The following SNX33 variants were observed in gnomAD, a reference collection of about 807,000 sequenced individuals.
SNX33 encodes sorting nexin 33, also known as sorting nexin-33.
SNX33 carries 19 observed loss-of-function variants against 38.8 expected under a neutral mutation model. That is an observed-to-expected ratio of 0.49 (90% CI 0.34 to 0.72). SNX33 has a LOEUF of 0.72. SNX33 is among the 30% of genes least tolerant of loss of function. The probability of loss-of-function intolerance (pLI) is 0.01; values close to 1 mark genes in which losing one functional copy is unlikely to be tolerated. For synonymous variants in SNX33, 246 were observed against 289.7 expected, an observed-to-expected ratio of 0.85 and a Z score of 1.53; for missense variants, 641 against 776.4, an observed-to-expected ratio of 0.83 and a Z score of 2.07.
At position 75,660,416 on chromosome 15, in the gene SNX33, A is replaced by C. The variant is rs1251149871; in HGVS notation, c.*3201A>C. The C allele has an allele frequency of 6.6e-6, 1 of 152,354 alleles. No homozygotes were observed. The highest frequency in any genetic ancestry group is 1.5e-5 in the Non-Finnish European group (1 of 68,068). 9.4% of individuals were successfully genotyped at this position (152,354 alleles called of 1,614,324 possible). ...GCCCCTGCTCTGCACCACCCCTCCCAGATGACAGAGCCATATGTCTTCCAC... is the reference window on the plus strand; with the variant it reads ...GCCCCTGCTCTGCACCACCCCTCCCCGATGACAGAGCCATATGTCTTCCAC... On this transcript the variant is annotated 3_prime_UTR_variant, in exon 2 of 2. Transcript: ENST00000308527.
In SNX33 at chr15:75,658,523, T is replaced by TG. The variant is rs1893683439; in HGVS notation, c.*1309dup. 6.6e-6 allele frequency: 1 copy of TG among 152,622 alleles called. No homozygotes were observed. The highest frequency in any genetic ancestry group is 2.4e-5 in the African/African-American group (1 of 41,432). The allele number at this position is 152,622 out of a possible 1,614,324, so 9.5% of individuals were successfully genotyped here. On this transcript the variant is annotated 3_prime_UTR_variant, in exon 2 of 2. Transcript: ENST00000308527. The surrounding 1 kb of genome is among the most constrained non-coding windows in gnomAD (Gnocchi z 4.1). ...TGTGGTCCAGCAGCTTGCTGTGGGG[T>TG]GCTGACATGTGTCACCACTGCCCCC...
intron 1 of SNX33, among the ~76,000 whole-genome samples, chr15:75,654,874 C>T (rs775016760): frequency 6.6e-6 from 1 of 152,238 alleles, no homozygotes; most frequent in African/African-American, 2.4e-5. Flanking sequence ...TTGGGCTCCT[C>T]ATCAGCAAAA....
In SNX33 at chr15:75,650,688, A is replaced by G. The variant is rs981980080; in HGVS notation, c.1471+115A>G. 22 of 1,350,114 alleles carry G rather than the reference A, an allele frequency of 1.6e-5. No individual in the cohort carries two copies. Among genetic ancestry groups the G allele is most frequent in the African/African-American group, 8.8e-5 (6 of 67,936 alleles). The allele number at this position is 1,350,114 out of a possible 1,614,324, so 83.6% of individuals were successfully genotyped here. The stretch of plus-strand genomic sequence containing the variant: ...AACTTGTCTTTATTTCTCTGTCTCA[A>G]TCATTCATTTAACAAATGTGTTGGG... On this transcript the variant is annotated intron_variant, in intron 1 of 1. Coordinates refer to ENST00000308527, the MANE Select transcript of SNX33 (RefSeq NM_153271.2). The surrounding 1 kb of genome is among the most constrained non-coding windows in gnomAD (Gnocchi z 6.1).
intron 1 of SNX33, among the ~76,000 whole-genome samples, chr15:75,651,665 C>A (rs927218119): frequency 5.3e-5 from 8 of 152,258 alleles, no homozygotes; most frequent in African/African-American, 1.9e-4. Context: ...CCAGCAGGTG[C>A]CTGAGTCCTG....
intron 1 of SNX33, among the ~76,000 whole-genome samples, chr15:75,656,643 C>T (rs1053930291): frequency 2.0e-5 from 3 of 152,094 alleles, no homozygotes; most frequent in Non-Finnish European, 4.4e-5. Context: ...TTCTGGGTAC[C>T]AGAGACACAG....
Position 75,649,713 on chromosome 15 carries a change from T to G in SNX33, c.611T>G (p.Met204Arg). The G allele has an allele frequency of 6.5e-7, 1 of 1,548,240 alleles. No homozygotes were observed. The highest frequency in any genetic ancestry group is 8.7e-7 in the Non-Finnish European group (1 of 1,143,920). Residue 204 changes from methionine to arginine, a missense_variant, in exon 1 of 2, where the codon ATG (methionine) becomes AGG (arginine). Physicochemically the swap from Met to Arg is moderately conservative, Grantham distance 91. This residue lies in a region of SNX33 where 398 missense variants were observed against 542.5 expected (regional missense o/e 0.73). Coordinates refer to ENST00000308527, the MANE Select transcript of SNX33 (RefSeq NM_153271.2). The surrounding 1 kb of genome is among the most constrained non-coding windows in gnomAD (Gnocchi z 6.6). ...VEAFILGDVP[M>R]MAKIAETYSI... Reference sequence around the variant, plus strand: ...GCCTTCATCCTGGGTGATGTGCCCATGATGGCCAAGATCGCTGAGACATAC... The same window carrying G: ...GCCTTCATCCTGGGTGATGTGCCCAGGATGGCCAAGATCGCTGAGACATAC...
At chr15:75,654,640 C>A (rs57233534) in intron 1 of SNX33, among the ~76,000 whole-genome samples, 30,130 of 152,144 alleles carry the variant, frequency 0.2, 3,120 homozygotes, top group Non-Finnish European at 0.23. Context: ...AGTAGAATGT[C>A]GGGGGGATGC....
rs1372634240 is a variant in SNX33 at position 75,649,079 on chromosome 15, C to T, written c.-24C>T. On this transcript the variant is annotated 5_prime_UTR_variant, in exon 1 of 2. Transcript: ENST00000308527. This position sits in a 1 kb window ranked among gnomAD's most constrained non-coding sequence, Gnocchi z 6.6. ...CTGGGCAGGACCCTCTCCTTCCCATCTTTCTATACCACCCAGCCCAGCCAT... is the reference window on the plus strand; with the variant it reads ...CTGGGCAGGACCCTCTCCTTCCCATTTTTCTATACCACCCAGCCCAGCCAT... 1.3e-6 allele frequency: 2 copies of T among 1,553,508 alleles called. No individual in the cohort carries two copies. Among genetic ancestry groups the T allele is most frequent in the Non-Finnish European group, 1.7e-6 (2 of 1,147,622 alleles).
Position 75,649,359 on chromosome 15 carries a change from A to G in SNX33, c.257A>G (p.Asn86Ser), listed in dbSNP as rs148674276. ...GSPGAQVSLY[N>S]SPSVASPARS... ...CCCGGAGCCCAGGTGAGCTTGTACA[A>G]CAGCCCCAGTGTGGCCAGCCCAGCT... is the stretch of plus-strand genomic sequence containing the variant. The change falls in exon 1 of 2, where the codon AAC becomes AGC. Residue 86 changes from asparagine (N) to serine (S), a missense_variant. By Grantham distance (46) the Asn-to-Ser change is conservative. Coordinates refer to ENST00000308527, the MANE Select transcript of SNX33 (RefSeq NM_153271.2). This position sits in a 1 kb window ranked among gnomAD's most constrained non-coding sequence, Gnocchi z 6.6. 1.1e-5 allele frequency: 18 copies of G among 1,566,266 alleles called. No individual in the cohort carries two copies. The highest frequency in any genetic ancestry group is 2.3e-5 in the East Asian group (1 of 44,302).
At position 75,648,410 on chromosome 15, in the gene SNX33, T is replaced by C. The variant is rs1893525542; in HGVS notation, c.-693T>C. ...CCGGGGTCGAAGAGTTGGCGGCCTG[T>C]TGTGTAAGCCTCAGTCCTTGTTTTC... On this transcript the variant is annotated 5_prime_UTR_variant, in exon 1 of 2. Coordinates refer to ENST00000308527, the MANE Select transcript of SNX33 (RefSeq NM_153271.2). The surrounding 1 kb of genome is among the most constrained non-coding windows in gnomAD (Gnocchi z 4.4). The C allele has an allele frequency of 1.0e-6, 1 of 984,732 alleles. No individual in the cohort carries two copies. The highest frequency in any genetic ancestry group is 1.8e-5 in the African/African-American group (1 of 57,116). 61.0% of individuals were successfully genotyped at this position (984,732 alleles called of 1,614,324 possible). A position where few individuals can be genotyped will look rare whatever the true frequency, so the allele number is the denominator to read the frequency against.
rs2141395556 is a variant in SNX33 at position 75,648,387 on chromosome 15, G to A, written c.-716G>A. On this transcript the variant is annotated 5_prime_UTR_variant, in exon 1 of 2. Coordinates refer to ENST00000308527, the MANE Select transcript of SNX33 (RefSeq NM_153271.2). The surrounding 1 kb of genome is among the most constrained non-coding windows in gnomAD (Gnocchi z 4.4). ...CGGCGGGGGCTCCGGCTGCGCAGCCGGGGTCGAAGAGTTGGCGGCCTGTTG... is the reference window on the plus strand; with the variant it reads ...CGGCGGGGGCTCCGGCTGCGCAGCCAGGGTCGAAGAGTTGGCGGCCTGTTG... 1.0e-6 allele frequency: 1 copy of A among 985,400 alleles called. No individual in the cohort carries two copies. The highest frequency in any genetic ancestry group is 4.7e-5 in the South Asian group (1 of 21,272). 61.0% of individuals were successfully genotyped at this position (985,400 alleles called of 1,614,324 possible). A position where few individuals can be genotyped will look rare whatever the true frequency, so the allele number is the denominator to read the frequency against.
At chr15:75,652,339 G>A (rs1893595302) in intron 1 of SNX33, among the ~76,000 whole-genome samples, 1 of 152,220 alleles carries the variant, frequency 6.6e-6, no homozygotes, top group African/African-American at 2.4e-5. Context: ...TGGGGCAGGT[G>A]TCTCCCTGAG....
In SNX33 at chr15:75,649,135, T is replaced by C. The variant is rs140797653; in HGVS notation, c.33T>C (p.Phe11=). 1,366 of 1,609,608 alleles carry C rather than the reference T, an allele frequency of 8.5e-4. 3 individuals carry two copies. The highest frequency in any genetic ancestry group is 1.3e-3 in the Middle Eastern group (8 of 6,038). Residue 11 remains phenylalanine (F), a synonymous_variant, in exon 1 of 2, where the codon TTT becomes TTC. Coordinates refer to ENST00000308527, the MANE Select transcript of SNX33 (RefSeq NM_153271.2). The surrounding 1 kb of genome is among the most constrained non-coding windows in gnomAD (Gnocchi z 6.6). Reference sequence around the variant, plus strand: ...TGAAAGGCCGAGCCCTCTATGACTTTCACAGTGAGAACAAGGAGGAAATCA... The same window carrying C: ...TGAAAGGCCGAGCCCTCTATGACTTCCACAGTGAGAACAAGGAGGAAATCA... MALKGRALYD[F]HSENKEEISI...
chr15:75,649,326 C>T lies in SNX33; in HGVS notation c.224C>T (p.Ala75Val). ...TNHADYSSSP[A>V]GSPGAQVSLY... ...CATGCTGACTACTCCAGCAGCCCTGCAGGCTCTCCCGGAGCCCAGGTGAGC... is the reference window on the plus strand; with the variant it reads ...CATGCTGACTACTCCAGCAGCCCTGTAGGCTCTCCCGGAGCCCAGGTGAGC... Residue 75 changes from alanine to valine, a missense_variant, in exon 1 of 2, where the codon GCA becomes GTA. This residue lies in a region of SNX33 where 243 missense variants were observed against 233.9 expected (regional missense o/e 1.04). Transcript: ENST00000308527. This position sits in a 1 kb window ranked among gnomAD's most constrained non-coding sequence, Gnocchi z 6.6. 1 of 1,589,912 alleles carries T rather than the reference C, an allele frequency of 6.3e-7. No individual in the cohort carries two copies. The highest frequency in any genetic ancestry group is 8.6e-7 in the Non-Finnish European group (1 of 1,165,188).
chr15:75,654,521 G>C (rs1420703060), intron 1 of SNX33, among the ~76,000 whole-genome samples: 1 of 152,230 alleles, frequency 6.6e-6, no homozygotes, highest in Non-Finnish European at 1.5e-5. Flanking sequence ...CCTGGGACTT[G>C]CAGCTGGTGG....
At chr15:75,653,251 G>A (rs930593468) in intron 1 of SNX33, among the ~76,000 whole-genome samples, 4 of 152,196 alleles carry the variant, frequency 2.6e-5, no homozygotes, top group African/African-American at 9.7e-5. Context: ...CCTCCCACGG[G>A]CCTAGTCCCT....
chr15:75,649,693 C>T lies in SNX33; in HGVS notation c.591C>T (p.Phe197=), dbSNP rs776692226. 4 of 1,563,742 alleles carry T rather than the reference C, an allele frequency of 2.6e-6. No individual in the cohort carries two copies. The highest frequency in any genetic ancestry group is 2.4e-5 in the South Asian group (2 of 83,848). Residue 197 remains phenylalanine (F), a synonymous_variant, in exon 1 of 2, where the codon TTC becomes TTT. Coordinates refer to ENST00000308527, the MANE Select transcript of SNX33 (RefSeq NM_153271.2). This position sits in a 1 kb window ranked among gnomAD's most constrained non-coding sequence, Gnocchi z 6.6. ...TTGTGCGTTCTGGAGTGGAGGCCTT[C>T]ATCCTGGGTGATGTGCCCATGATGG... ...SCFVRSGVEA[F]ILGDVPMMAK...
In SNX33 at chr15:75,649,919, CT is replaced by C. The variant is rs1199786510; in HGVS notation, c.818del (p.Leu273ProfsTer45). 1 of 1,594,306 alleles carries C rather than the reference CT, an allele frequency of 6.3e-7. No homozygotes were observed. Among genetic ancestry groups the C allele is most frequent in the Non-Finnish European group, 8.5e-7 (1 of 1,170,656 alleles). Reference protein sequence around the residue: ...VYRRYKHFDWLYNRLLHKFTV... With the variant: ...VYRRYKHFDWXYNRLLHKFTV... The stretch of plus-strand genomic sequence containing the variant: ...CCGGCGCTACAAACACTTTGACTGG[CT>C]CTATAACCGCCTGCTACACAAGTTC... On this transcript the variant is annotated frameshift_variant, in exon 1 of 2. Transcript: ENST00000308527. LOFTEE classifies it high-confidence loss of function. The surrounding 1 kb of genome is among the most constrained non-coding windows in gnomAD (Gnocchi z 6.6).
rs1595997686 is a variant in SNX33 at position 75,648,352 on chromosome 15, G to A, written c.-751G>A. On this transcript the variant is annotated 5_prime_UTR_variant, in exon 1 of 2. Coordinates refer to ENST00000308527, the MANE Select transcript of SNX33 (RefSeq NM_153271.2). The surrounding 1 kb of genome is among the most constrained non-coding windows in gnomAD (Gnocchi z 4.4). The stretch of plus-strand genomic sequence containing the variant: ...TGGCCACTTCTGGGGCGGGGAGAGG[G>A]CGCCCGAGCCGGCGGGGGCTCCGGC... The A allele has an allele frequency of 2.0e-6, 2 of 985,376 alleles. No homozygotes were observed. Among genetic ancestry groups the A allele is most frequent in the Non-Finnish European group, 2.4e-6 (2 of 829,946 alleles). The allele number at this position is 985,376 out of a possible 1,614,324, so 61.0% of individuals were successfully genotyped here.
Sources: gnomAD v4.1 joint callset for allele counts (sites outside exome capture counted in the v4.1 genomes callset) on GRCh38, gnomAD v4.1.1 for gene constraint, gnomAD v4.1.1 regional missense constraint, Gnocchi (gnomAD v3.1) non-coding constraint, MANE v1.5 for transcripts, NCBI Gene and HGNC (gene_info 2026-07-23, HGNC 2026-07-21) for gene names.